EYS: variants seen among roughly 807,000 people sequenced by gnomAD.
The protein encoded by EYS is protein eyes shut homolog.
In EYS, 250 loss-of-function variants were observed where a neutral mutation model predicts 282.1. That is an observed-to-expected ratio of 0.89 (90% CI 0.80 to 0.98). The LOEUF (loss-of-function observed/expected upper bound fraction) is 0.98. Among genes scored for constraint, EYS ranks in the 50% least tolerant of loss-of-function variants. EYS has a pLI of 0.00. For synonymous variants in EYS, 1,355 were observed against 1,282.9 expected (o/e 1.06, Z -1.20); for missense variants, 4,016 against 3,709.0 (o/e 1.08, Z -2.15).
intron 12 of EYS, among the ~76,000 whole-genome samples, chr6:65,074,134 A>G (rs1773978910): frequency 6.6e-6 from 1 of 151,602 alleles, no homozygotes; most frequent in Non-Finnish European, 1.5e-5. Context: ...TAAAATATGA[A>G]AATAAAACGG....
At chr6:64,125,115 T>A (rs2150276776) in intron 31 of EYS, among the ~76,000 whole-genome samples, 1 of 152,124 alleles carries the variant, frequency 6.6e-6, no homozygotes, top group East Asian at 1.9e-4. Flanking sequence ...ACTCCCATTT[T>A]TTTTCTGATG....
In EYS at chr6:63,755,610, C is replaced by T. The variant is rs185793589; in HGVS notation, c.8071+6851G>A. Among the ~76,000 whole-genome samples the T allele has an allele frequency of 3.3e-5, 5 of 152,260 alleles. No homozygotes were observed. In the East Asian group the frequency reaches 7.7e-4, roughly 24 times the overall value. On this transcript the variant is annotated intron_variant, in intron 41 of 42. Transcript: ENST00000503581. ...TTTGCTTAGGATTGTCCTGGCTATACGAGCTCTTTTTTGGTTCCCTATGAT... is the reference window on the plus strand; with the variant it reads ...TTTGCTTAGGATTGTCCTGGCTATATGAGCTCTTTTTTGGTTCCCTATGAT...
chr6:64,594,055 G>T (rs1407671467), intron 24 of EYS, among the ~76,000 whole-genome samples: 2 of 151,928 alleles, frequency 1.3e-5, no homozygotes, highest in South Asian at 4.1e-4. Context: ...TACCTAATAG[G>T]CATCCCTGCT....
At chr6:64,438,505 A>T (rs907421632) in intron 27 of EYS, among the ~76,000 whole-genome samples, 2 of 151,636 alleles carry the variant, frequency 1.3e-5, no homozygotes, top group Non-Finnish European at 3.0e-5. Flanking sequence ...TCTCTTGAGG[A>T]TCCTCTAAAA....
At chr6:64,517,950 C>T (rs534864400) in intron 26 of EYS, among the ~76,000 whole-genome samples, 1 of 151,892 alleles carries the variant, frequency 6.6e-6, no homozygotes, top group African/African-American at 2.4e-5. Flanking sequence ...CTGATGTTGC[C>T]TATGTTTCAT....
intron 39 of EYS, among the ~76,000 whole-genome samples, chr6:63,783,679 G>A (rs1313077308): frequency 6.6e-6 from 1 of 152,172 alleles, no homozygotes; most frequent in East Asian, 1.9e-4. Flanking sequence ...CAGAGAGTGG[G>A]CTCTCATTGA....
intron 2 of EYS, among the ~76,000 whole-genome samples, chr6:65,535,219 G>T (rs1273131736): frequency 6.6e-6 from 1 of 152,100 alleles, no homozygotes; most frequent in African/African-American, 2.4e-5. Context: ...CAGTCTAAAG[G>T]TCAGTGGCCT....
chr6:65,138,879 C>T (rs1243251293), intron 12 of EYS, among the ~76,000 whole-genome samples: 2 of 152,004 alleles, frequency 1.3e-5, no homozygotes, highest in African/African-American at 4.8e-5. Context: ...ATCAAAACCA[C>T]AATGAGATAC....
intron 22 of EYS, among the ~76,000 whole-genome samples, chr6:64,674,723 G>A (rs1202497726): frequency 8.4e-6 from 1 of 119,712 alleles, no homozygotes; most frequent in Non-Finnish European, 1.7e-5. Context: ...TAACATTTCT[G>A]TCATTAACAC....
intron 19 of EYS, among the ~76,000 whole-genome samples, chr6:64,853,194 A>C (rs943110708): frequency 2.0e-5 from 3 of 152,184 alleles, no homozygotes; most frequent in Non-Finnish European, 4.4e-5. Context: ...AATAAAACTT[A>C]TGACAATTAT....
chr6:65,638,479 G>A (rs1767166504), intron 2 of EYS, among the ~76,000 whole-genome samples: 1 of 152,150 alleles, frequency 6.6e-6, no homozygotes, highest in African/African-American at 2.4e-5. Flanking sequence ...CAGACCTAGG[G>A]GCTCCCCGAG....
intron 41 of EYS, among the ~76,000 whole-genome samples, chr6:63,750,518 C>A (rs535887396): frequency 1.3e-5 from 2 of 152,154 alleles, no homozygotes; most frequent in Admixed American, 1.3e-4. Flanking sequence ...CCTTTGTTTC[C>A]AGTGGCTTCT....
At chr6:64,634,551 A>C (rs1341645034) in intron 22 of EYS, among the ~76,000 whole-genome samples, 1 of 149,882 alleles carries the variant, frequency 6.7e-6, no homozygotes, top group Non-Finnish European at 1.5e-5. Flanking sequence ...AGCTTCCAAA[A>C]AAAAAAAAAA....
chr6:64,101,752 G>A (rs1361234668), intron 31 of EYS, among the ~76,000 whole-genome samples: 1 of 151,990 alleles, frequency 6.6e-6, no homozygotes, highest in African/African-American at 2.4e-5. Context: ...TACGTTTGTT[G>A]TGTACTTTAT....
intron 22 of EYS, among the ~76,000 whole-genome samples, chr6:64,645,696 G>C (rs1374857437): frequency 2.9e-5 from 3 of 104,010 alleles, no homozygotes; most frequent in Non-Finnish European, 6.3e-5. Flanking sequence ...AATAATAAGT[G>C]TAATAATAAA....
intron 13 of EYS, among the ~76,000 whole-genome samples, chr6:65,035,466 G>T (rs1229019883): frequency 6.6e-6 from 1 of 152,018 alleles, no homozygotes; most frequent in African/African-American, 2.4e-5. Flanking sequence ...TCCTAGATCT[G>T]ATAAACAACT....
chr6:65,636,018 C>T (rs1467697101), intron 2 of EYS, among the ~76,000 whole-genome samples: 4 of 152,200 alleles, frequency 2.6e-5, no homozygotes, highest in Non-Finnish European at 5.9e-5. Flanking sequence ...TGTAGTGTGG[C>T]AGGCCTTGTG....
intron 31 of EYS, among the ~76,000 whole-genome samples, chr6:64,225,464 C>T (rs902185982): frequency 6.6e-6 from 1 of 151,832 alleles, no homozygotes; most frequent in East Asian, 1.9e-4. Flanking sequence ...TCACAAGCAT[C>T]CTTAAGTGTA....
intron 30 of EYS, among the ~76,000 whole-genome samples, chr6:64,256,007 A>T (rs947386672): frequency 4.6e-5 from 7 of 152,046 alleles, no homozygotes; most frequent in African/African-American, 1.7e-4. Context: ...AGAGCTACTG[A>T]TTCAGCAATG....
Sources: allele counts gnomAD v4.1 joint callset (sites outside exome capture counted in the v4.1 genomes callset), GRCh38; gene constraint gnomAD v4.1.1; transcripts MANE v1.5; gene names NCBI Gene and HGNC (gene_info 2026-07-23, HGNC 2026-07-21).